The following TRPM3 variants were observed in gnomAD, a reference collection of about 807,000 sequenced individuals.
TRPM3 encodes the protein transient receptor potential cation channel subfamily M member 3, also known as long transient receptor potential channel 3.
In TRPM3, 77 loss-of-function variants were observed where a neutral mutation model predicts 181.2. The observed-to-expected ratio is 0.42, with a 90% CI of 0.35 to 0.51. The LOEUF (loss-of-function observed/expected upper bound fraction) is 0.51, where lower values mean the gene tolerates loss of function less well. Ranked by LOEUF, TRPM3 falls within the 20% of genes least tolerant of loss-of-function variation. The probability of loss-of-function intolerance (pLI) is 0.01; values close to 1 mark genes in which losing one functional copy is unlikely to be tolerated. For missense variants in TRPM3, 1,759 were observed against 2,196.7 expected (o/e 0.80, Z 3.98); for synonymous variants, 745 against 796.4 (o/e 0.94, Z 1.09).
chr9:70,886,437 T>C (rs2096083501), intron 1 of TRPM3, among the ~76,000 whole-genome samples: 2 of 152,180 alleles, frequency 1.3e-5, no homozygotes, highest in African/African-American at 4.8e-5. Context: ...CCTCAGTGCC[T>C]TGTGCCTTTA....
intron 12 of TRPM3, among the ~76,000 whole-genome samples, chr9:70,627,701 A>G (rs1348141576): frequency 6.6e-6 from 1 of 152,098 alleles, no homozygotes; most frequent in Non-Finnish European, 1.5e-5. Context: ...GCCAGGCAAA[A>G]TGGGGCTGTG....
chr9:70,784,477 T>C (rs559340484), intron 6 of TRPM3, among the ~76,000 whole-genome samples, 198 bp from the exon 7 acceptor site: 3 of 152,228 alleles, frequency 2.0e-5, no homozygotes, highest in South Asian at 4.1e-4. Flanking sequence ...AGAAAGTCTA[T>C]TTGACTTTGC....
intron 1 of TRPM3, among the ~76,000 whole-genome samples, chr9:71,277,964 T>G (rs987327430): frequency 1.3e-5 from 2 of 152,176 alleles, no homozygotes; most frequent in Non-Finnish European, 1.5e-5. Context: ...AGGCGACTAA[T>G]TATAAAGAGA....
chr9:70,996,900 G>A (rs2097545947), intron 1 of TRPM3, among the ~76,000 whole-genome samples: 1 of 152,120 alleles, frequency 6.6e-6, no homozygotes, highest in South Asian at 2.1e-4. Context: ...GTTTTGGAAG[G>A]TTTGCCATTC....
At chr9:71,412,577 T>C (rs1431482127) in intron 1 of TRPM3, among the ~76,000 whole-genome samples, 3 of 152,068 alleles carry the variant, frequency 2.0e-5, no homozygotes. Context: ...AGAATGGCAA[T>C]CATTAAAAAG....
intron 1 of TRPM3, among the ~76,000 whole-genome samples, chr9:71,395,197 T>C (rs1172295750): frequency 6.6e-6 from 1 of 152,194 alleles, no homozygotes; most frequent in Non-Finnish European, 1.5e-5. Flanking sequence ...ATCTATCTTC[T>C]CAATGAAATT....
At chr9:70,933,253 G>T (rs1019176682) in intron 1 of TRPM3, among the ~76,000 whole-genome samples, 1 of 152,188 alleles carries the variant, frequency 6.6e-6, no homozygotes, top group Admixed American at 6.5e-5. Context: ...CCAGAGTGGC[G>T]ATAGTAAATT....
intron 7 of TRPM3, among the ~76,000 whole-genome samples, chr9:70,783,705 T>C (rs192099246): frequency 2.0e-3 from 298 of 152,294 alleles, no homozygotes; most frequent in African/African-American, 7.0e-3. Flanking sequence ...GCCTGGAAGC[T>C]GAACAACCCA....
At position 70,743,810 on chromosome 9, in the gene TRPM3, G is replaced by A. The variant is rs529882029; in HGVS notation, c.1272+17791C>T. Among the ~76,000 whole-genome samples, 6 of 152,128 alleles carry A rather than the reference G, an allele frequency of 3.9e-5. No individual in the cohort carries two copies. In the South Asian group the frequency reaches 1.0e-3, roughly 26 times the overall value. The stretch of plus-strand genomic sequence containing the variant: ...AATTGTCATGCAAATTATTTAGTAA[G>A]TAAGCTATTAAAAGGAATAAAATAA... On this transcript the variant is annotated intron_variant, in intron 8 of 25. Transcript: ENST00000677713.
intron 1 of TRPM3, among the ~76,000 whole-genome samples, chr9:71,075,512 C>G (rs1188574620): frequency 2.0e-5 from 3 of 152,112 alleles, no homozygotes; most frequent in Non-Finnish European, 4.4e-5. Context: ...GATAATAAAT[C>G]CTCTGAAAAC....
At chr9:70,641,722 T>C (rs1158535034) in intron 9 of TRPM3, among the ~76,000 whole-genome samples, 1 of 152,208 alleles carries the variant, frequency 6.6e-6, no homozygotes, top group Non-Finnish European at 1.5e-5. Flanking sequence ...AGAACATTTC[T>C]ATCATCACAG....
At chr9:70,619,587 A>AT (rs1010275473) in intron 16 of TRPM3, among the ~76,000 whole-genome samples, 19 of 146,350 alleles carry the variant, frequency 1.3e-4, no homozygotes, top group South Asian at 4.4e-4. Context: ...CTAATTTTTA[A>AT]TTTTTTTTTT....
chr9:70,758,601 C>A (rs915302371), intron 8 of TRPM3, among the ~76,000 whole-genome samples: 1 of 152,172 alleles, frequency 6.6e-6, no homozygotes, highest in Non-Finnish European at 1.5e-5. Flanking sequence ...CTACAGTAAC[C>A]ATAACAGCAT....
chr9:71,280,950 G>C (rs950265117), intron 1 of TRPM3, among the ~76,000 whole-genome samples: 2 of 152,176 alleles, frequency 1.3e-5, no homozygotes, highest in African/African-American at 4.8e-5. Context: ...AGATTCACTT[G>C]ACTGTTCAGA....
chr9:71,121,670 G>C, upstream of TRPM3: 2 of 1,111,246 alleles, frequency 1.8e-6, no homozygotes, highest in Non-Finnish European at 2.2e-6. Context: ...GTCAGGCGTT[G>C]GGGGGGAACC....
upstream of TRPM3, among the ~76,000 whole-genome samples, chr9:71,123,196 G>GC (rs2073827059): frequency 6.6e-6 from 1 of 152,120 alleles, no homozygotes; most frequent in Non-Finnish European, 1.5e-5. Flanking sequence ...TAAAACCACT[G>GC]CCTCTGTTTT....
rs1426258575 is a variant in TRPM3, at chr9:71,409,504, A to C, written c.183+37149T>G. On this transcript the variant is annotated intron_variant, in intron 1 of 24. Coordinates refer to the TRPM3 transcript ENST00000357533. ...ACCTTAAACCAACAAAGATCAAAGG[A>C]GGCAAAGAAGGCCATTACATAATGG... Among the ~76,000 whole-genome samples the C allele has an allele frequency of 2.6e-5, 4 of 152,192 alleles. No homozygotes were observed. In the East Asian group the frequency reaches 7.7e-4, roughly 29 times the overall value.
At chr9:70,845,036 A>T (rs944929298) in intron 4 of TRPM3, among the ~76,000 whole-genome samples, 3 of 152,180 alleles carry the variant, frequency 2.0e-5, no homozygotes, top group Non-Finnish European at 2.9e-5. Context: ...TCATTCTAAG[A>T]TCATGTCAGT....
At chr9:70,616,163 G>A (rs1176090081) in intron 17 of TRPM3, 88 bp from the exon 18 acceptor site, 2 of 1,070,270 alleles carry the variant, frequency 1.9e-6, no homozygotes, top group Non-Finnish European at 2.6e-6. Flanking sequence ...CCTGAGGTAT[G>A]GGGTATAAGA....
Sources: gnomAD v4.1 joint callset for allele counts (sites outside exome capture counted in the v4.1 genomes callset) on GRCh38, gnomAD v4.1.1 for gene constraint, MANE v1.5 for transcripts, NCBI Gene and HGNC (gene_info 2026-07-23, HGNC 2026-07-21) for gene names.